Variants in EPG5 observed in about 807,000 individuals in gnomAD.
EPG5 encodes ectopic P-granules 5 autophagy tethering factor, also known as ectopic P granules protein 5 homolog.
A neutral mutation model predicts 302.7 loss-of-function variants in EPG5; 159 were observed. The observed-to-expected ratio is 0.53, with a 90% CI of 0.46 to 0.60. The LOEUF (loss-of-function observed/expected upper bound fraction) is 0.60. Among genes scored for constraint, EPG5 ranks in the 20% least tolerant of loss-of-function variants. The pLI is 0.00. For missense variants in EPG5, 2,896 were observed against 3,092.4 expected (o/e 0.94, Z 1.51); for synonymous variants, 1,158 against 1,136.8 (o/e 1.02, Z -0.37).
intron 27 of EPG5, among the ~76,000 whole-genome samples, chr18:45,892,861 G>A (rs184354088): frequency 1.3e-5 from 2 of 152,074 alleles, no homozygotes; most frequent in Admixed American, 1.3e-4. Flanking sequence ...CTTTATAAAG[G>A]AGTCATTCAA....
At position 45,851,865 on chromosome 18, in the gene EPG5, T is replaced by C. The variant is rs2048427753; in HGVS notation, c.*602A>G. On this transcript the variant is annotated 3_prime_UTR_variant, in exon 44 of 44. Transcript: ENST00000282041. ...GGATGGAAATTGACTTGTCATCATC[T>C]CTACTGCCCACTATAATCACGATCA... 6.6e-6 allele frequency: 1 copy of C among 152,274 alleles called. No individual in the cohort carries two copies. Among genetic ancestry groups the C allele is most frequent in the Non-Finnish European group, 1.5e-5 (1 of 68,070 alleles). The allele number at this position is 152,274 out of a possible 1,614,324, so 9.4% of individuals were successfully genotyped here. A position where few individuals can be genotyped will look rare whatever the true frequency, so the allele number is the denominator to read the frequency against.
chr18:45,922,859 G>C (rs2050188780), intron 15 of EPG5, among the ~76,000 whole-genome samples: 1 of 152,240 alleles, frequency 6.6e-6, no homozygotes, highest in African/African-American at 2.4e-5. Flanking sequence ...TCAATGAATA[G>C]TGTGCCGATA....
At chr18:45,879,935 G>C (rs960842362) in intron 32 of EPG5, 140 bp downstream of exon 32, 3 of 911,616 alleles carry the variant, frequency 3.3e-6, no homozygotes, top group East Asian at 2.7e-5. Flanking sequence ...AAGGGGACAC[G>C]AGGGAACCAA....
In EPG5 at chr18:45,952,660, A is replaced by T. The variant is rs369721234; in HGVS notation, c.1009-17T>A. ...ACAGATACCCTACCAGAGGACAAAA[A>T]GGTACAATATGAAACCAGTTACTCT... On this transcript the variant is annotated splice_polypyrimidine_tract_variant and intron_variant, in intron 2 of 43. Coordinates refer to ENST00000282041, the MANE Select transcript of EPG5 (RefSeq NM_020964.3). 1.9e-6 allele frequency: 3 copies of T among 1,612,468 alleles called. No homozygotes were observed. Among genetic ancestry groups the T allele is most frequent in the Non-Finnish European group, 2.5e-6 (3 of 1,178,924 alleles).
chr18:45,877,302 C>T (rs1244738159), intron 34 of EPG5, among the ~76,000 whole-genome samples: 1 of 152,026 alleles, frequency 6.6e-6, no homozygotes, highest in Non-Finnish European at 1.5e-5. Context: ...ATTTGTAATT[C>T]CAGCTACTCA....
At chr18:45,816,904 G>A in the EPG5 span, among the ~76,000 whole-genome samples, 1 of 152,064 alleles carries the variant, frequency 6.6e-6, no homozygotes, top group Admixed American at 6.6e-5. Context: ...AAGAAACTGT[G>A]GTATATATGT....
At chr18:45,880,254 T>C (rs2145406575) in intron 31 of EPG5, 31 bp from the exon 32 acceptor site, 2 of 1,534,130 alleles carry the variant, frequency 1.3e-6, no homozygotes, top group African/African-American at 1.4e-5. Context: ...AGCAAGTCAG[T>C]GGCTTTCCCG....
At chr18:45,963,286 A>C (rs867214228) in intron 1 of EPG5, among the ~76,000 whole-genome samples, 2 of 152,218 alleles carry the variant, frequency 1.3e-5, no homozygotes, top group Non-Finnish European at 2.9e-5. Context: ...CTCACAAATG[A>C]GTAGCTGGCT....
At chr18:45,958,644 T>C (rs781114897) in intron 1 of EPG5, among the ~76,000 whole-genome samples, 3 of 152,178 alleles carry the variant, frequency 2.0e-5, no homozygotes, top group Non-Finnish European at 4.4e-5. Context: ...CCTTATATCA[T>C]ATACAAAAAT....
intron 43 of EPG5, among the ~76,000 whole-genome samples, chr18:45,854,452 G>A (rs892752844): frequency 6.6e-6 from 1 of 152,230 alleles, no homozygotes; most frequent in Non-Finnish European, 1.5e-5. Flanking sequence ...GAGGCCTGGA[G>A]CCAGACTGGC....
At position 45,924,571 on chromosome 18, in the gene EPG5, C is replaced by A. The variant is rs367792124; in HGVS notation, c.2718+1167G>T. Among the ~76,000 whole-genome samples, 18 of 152,306 alleles carry A rather than the reference C, an allele frequency of 1.2e-4. No individual in the cohort carries two copies. In the East Asian group the frequency reaches 1.9e-3, roughly 16 times the overall value. On this transcript the variant is annotated intron_variant, in intron 14 of 43. Coordinates refer to ENST00000282041, the MANE Select transcript of EPG5 (RefSeq NM_020964.3). Reference sequence around the variant, plus strand: ...ATTTTCCCTTTTAAATGTTAATCTTCTTATGGAAGAGCTAACAAATAAGGC... The same window carrying A: ...ATTTTCCCTTTTAAATGTTAATCTTATTATGGAAGAGCTAACAAATAAGGC...
chr18:45,947,460 T>C (rs779979589), intron 6 of EPG5, among the ~76,000 whole-genome samples: 14 of 151,954 alleles, frequency 9.2e-5, no homozygotes, highest in Non-Finnish European at 1.9e-4. Context: ...GGCCAAAACA[T>C]AGATATAAAT....
chr18:45,893,463 G>C (rs926128141), intron 27 of EPG5, among the ~76,000 whole-genome samples: 5 of 151,524 alleles, frequency 3.3e-5, no homozygotes, highest in African/African-American at 9.7e-5. Context: ...TCCTCAGAGA[G>C]AATCATTTGA....
intron 15 of EPG5, 105 bp from the exon 16 acceptor site, chr18:45,922,705 G>T: frequency 7.5e-7 from 1 of 1,339,078 alleles, no homozygotes; most frequent in South Asian, 1.4e-5. Flanking sequence ...CAACGCAGAG[G>T]AATATTCTAC....
At chr18:45,805,152 T>C in the EPG5 span, among the ~76,000 whole-genome samples, 3 of 152,040 alleles carry the variant, frequency 2.0e-5, no homozygotes, top group African/African-American at 7.2e-5. Flanking sequence ...TAATAATTTC[T>C]AAAAGGCACT....
chr18:45,816,041 A>T, the EPG5 span, among the ~76,000 whole-genome samples: 1 of 152,232 alleles, frequency 6.6e-6, no homozygotes, highest in Non-Finnish European at 1.5e-5. Flanking sequence ...AAGTGGAGAA[A>T]GCACACCCTT....
At chr18:45,837,931 T>TTCCCGCCC in the EPG5 span, 2 of 1,451,616 alleles carry the variant, frequency 1.4e-6, no homozygotes, top group East Asian at 2.9e-5. Flanking sequence ...CCGGCCTCCC[T>TTCCCGCCC]TCCCGCCCTC....
chr18:45,877,711 C>T (rs949951674), intron 34 of EPG5, among the ~76,000 whole-genome samples: 2 of 152,186 alleles, frequency 1.3e-5, no homozygotes, highest in Non-Finnish European at 1.5e-5. Flanking sequence ...AGCTTCAGCA[C>T]TAACCAACCA....
Position 45,916,437 on chromosome 18 carries a change from C to T in EPG5, c.3384+1G>A. 1 of 1,610,456 alleles carries T rather than the reference C, an allele frequency of 6.2e-7. No individual in the cohort carries two copies. The highest frequency in any genetic ancestry group is 8.5e-7 in the Non-Finnish European group (1 of 1,177,148). On this transcript the variant is annotated splice_donor_variant, in intron 18 of 43. Transcript: ENST00000282041. LOFTEE classifies it high-confidence loss of function. ...TGCTTAGGGGCTTGCAAGGCCCTCA[C>T]CTGGATCATGCTGTTGAGAAGCTTC...
Sources: gnomAD v4.1 joint callset for allele counts (sites outside exome capture counted in the v4.1 genomes callset) on GRCh38, gnomAD v4.1.1 for gene constraint, MANE v1.5 for transcripts, NCBI Gene and HGNC (gene_info 2026-07-23, HGNC 2026-07-21) for gene names.